The following RP1L1 variants were observed in gnomAD, a reference collection of about 807,000 sequenced individuals.
RP1L1 encodes the protein RP1 like 1.
RP1L1 carries 27 observed loss-of-function variants against 15.7 expected under a neutral mutation model. The ratio of observed to expected loss-of-function variants is 1.72; its 90% CI spans 1.27 to 2.38. The LOEUF (loss-of-function observed/expected upper bound fraction) is 2.38. Ranked by LOEUF, RP1L1 falls within the 30% of genes most tolerant of loss-of-function variation. The pLI, the probability that RP1L1 is intolerant of heterozygous loss-of-function variation, is 0.00. For missense variants in RP1L1, 4,798 were observed against 3,075.9 expected (o/e 1.56, Z -13.24); for synonymous variants, 1,813 against 1,276.7 (o/e 1.42, Z -8.96).
intron 2 of RP1L1, among the ~76,000 whole-genome samples, chr8:10,618,580 T>C (rs1232969094): frequency 6.6e-6 from 1 of 151,972 alleles, no homozygotes; most frequent in African/African-American, 2.4e-5. Flanking sequence ...TAGTCCCAGC[T>C]GCTTGGGAGG....
chr8:10,653,368 C>A (rs1430723855), intron 1 of RP1L1, among the ~76,000 whole-genome samples: 1 of 151,992 alleles, frequency 6.6e-6, no homozygotes, highest in Non-Finnish European at 1.5e-5. Flanking sequence ...AACCCAGGAG[C>A]AGAGGAGCAG....
chr8:10,629,534 A>C (rs1289010551), intron 1 of RP1L1, among the ~76,000 whole-genome samples: 1 of 152,182 alleles, frequency 6.6e-6, no homozygotes, highest in East Asian at 1.9e-4. Flanking sequence ...TCAACTTAGC[A>C]AACAACTTTA....
At chr8:10,639,540 T>C (rs11250054) in intron 1 of RP1L1, among the ~76,000 whole-genome samples, 87,518 of 151,944 alleles carry the variant, frequency 0.58, 26,310 homozygotes, top group East Asian at 0.89. Context: ...ACCCGGCTAA[T>C]TTTTGAACTT....
intron 3 of RP1L1, among the ~76,000 whole-genome samples, chr8:10,614,716 G>A (rs552062252): frequency 4.3e-4 from 59 of 136,280 alleles, no homozygotes; most frequent in Non-Finnish European, 7.8e-4. Context: ...AAGGAAGGAA[G>A]GAAAAAAAAA....
chr8:10,622,083 A>G (rs1177257215), intron 2 of RP1L1, among the ~76,000 whole-genome samples: 1 of 152,034 alleles, frequency 6.6e-6, no homozygotes, highest in Non-Finnish European at 1.5e-5. Context: ...GCACTTTGGG[A>G]GGCCGAATCG....
intron 2 of RP1L1, among the ~76,000 whole-genome samples, chr8:10,620,488 C>T (rs916014312): frequency 2.0e-5 from 3 of 152,286 alleles, no homozygotes; most frequent in African/African-American, 4.8e-5. Context: ...TGCCTGTAAT[C>T]CCAACTACTT....
At position 10,617,399 on chromosome 8, in the gene RP1L1, C is replaced by CAAAAAAAA. The variant is rs369885056; in HGVS notation, c.610-820_610-813dup. Among the ~76,000 whole-genome samples the CAAAAAAAA allele has an allele frequency of 1.7e-3, 144 of 82,564 alleles. 2 individuals carry two copies. Among genetic ancestry groups the CAAAAAAAA allele is most frequent in the Middle Eastern group, 6.6e-3 (1 of 152 alleles). The allele number at this position is 82,564 out of a possible 152,430, so 54.2% of individuals were successfully genotyped here. A position where few individuals can be genotyped will look rare whatever the true frequency, so the allele number is the denominator to read the frequency against. ...AAAATTATAAGGGTATGCTCATTAA[C>CAAAAAAAA]AAAAAAAAAAAAAAAAAAAAAAGAA... On this transcript the variant is annotated intron_variant, in intron 2 of 3. Transcript: ENST00000382483.
chr8:10,611,996 A>G lies in RP1L1; in HGVS notation c.2102T>C (p.Val701Ala), dbSNP rs751732214. 1 of 1,613,786 alleles carries G rather than the reference A, an allele frequency of 6.2e-7. No individual in the cohort carries two copies. The highest frequency in any genetic ancestry group is 8.5e-7 in the Non-Finnish European group (1 of 1,179,974). The change falls in exon 4 of 4, where the codon GTG (valine) becomes GCG (alanine). Residue 701 changes from valine to alanine, a missense_variant. Physicochemically the swap from Val to Ala is moderately conservative, Grantham distance 64. Transcript: ENST00000382483. ...CGATGAGCTTCCAGAATATCGTGGCACTGAGCCATCCTGGCAGGCCCTTCG... is the reference window on the plus strand; with the variant it reads ...CGATGAGCTTCCAGAATATCGTGGCGCTGAGCCATCCTGGCAGGCCCTTCG... ...ERRRACQDGS[V>A]PRYSGSSSST...
intron 1 of RP1L1, among the ~76,000 whole-genome samples, chr8:10,653,891 G>A (rs573132632): frequency 6.6e-6 from 1 of 152,172 alleles, no homozygotes; most frequent in African/African-American, 2.4e-5. Context: ...CCTCCCCCAG[G>A]GAAGGAGTCC....
At chr8:10,644,210 C>T (rs1338286793) in intron 1 of RP1L1, among the ~76,000 whole-genome samples, 4 of 151,600 alleles carry the variant, frequency 2.6e-5, no homozygotes, top group Non-Finnish European at 4.4e-5. Context: ...GTACTGGGGC[C>T]GAGTGACCAG....
rs780526415 is a variant in RP1L1, at chr8:10,611,252, G to C, written c.2846C>G (p.Pro949Arg). ...GACCACAGCCTCTGGAGACGAGCGG[G>C]GCAGAGAGCTGGGTGACACACCACT... ...EASGVSPSSL[P>R]RSSPEAVVRE... Residue 949 changes from proline to arginine, a missense_variant, in exon 4 of 4, where the codon CCC becomes CGC. Pro to Arg is a moderately radical substitution (Grantham distance 103). Coordinates refer to ENST00000382483, the MANE Select transcript of RP1L1 (RefSeq NM_178857.6). The C allele has an allele frequency of 1.2e-6, 2 of 1,613,026 alleles. No homozygotes were observed. The highest frequency in any genetic ancestry group is 1.7e-6 in the Non-Finnish European group (2 of 1,180,014).
chr8:10,611,078 G>T lies in RP1L1; in HGVS notation c.3020C>A (p.Ala1007Asp). 6.2e-7 allele frequency: 1 copy of T among 1,612,874 alleles called. No individual in the cohort carries two copies. The highest frequency in any genetic ancestry group is 8.5e-7 in the Non-Finnish European group (1 of 1,180,016). The change falls in exon 4 of 4, where the codon GCT (alanine) becomes GAT (aspartate). Residue 1007 changes from alanine to aspartate, a missense_variant. Coordinates refer to ENST00000382483, the MANE Select transcript of RP1L1 (RefSeq NM_178857.6). ...DHSLEGLGEP[A>D]QAGQQSLEGD... is the part of the protein sequence containing the mutation. The stretch of plus-strand genomic sequence containing the variant: ...TTCCAGGGACTGCTGTCCCGCCTGA[G>T]CTGGCTCCCCCAGGCCTTCCAGAGA...
Position 10,637,087 on chromosome 8 carries a change from T to C in RP1L1, c.-19-13867A>G, listed in dbSNP as rs531305599. Among the ~76,000 whole-genome samples the C allele has an allele frequency of 5.9e-5, 9 of 152,254 alleles. No individual in the cohort carries two copies. In the East Asian group the frequency reaches 1.5e-3, roughly 26 times the overall value. ...TGAGGGAGAGAGACAGGCTGAGATTTAGAGAAAAAGAATGCAAGGTTCGCT... is the reference window on the plus strand; with the variant it reads ...TGAGGGAGAGAGACAGGCTGAGATTCAGAGAAAAAGAATGCAAGGTTCGCT... On this transcript the variant is annotated intron_variant, in intron 1 of 3. Transcript: ENST00000382483.
chr8:10,636,769 C>T (rs748332056), intron 1 of RP1L1, among the ~76,000 whole-genome samples: 40 of 152,222 alleles, frequency 2.6e-4, no homozygotes, highest in African/African-American at 8.9e-4. Flanking sequence ...TACTCCCAGC[C>T]GGGCCTGACC....
chr8:10,616,651 G>A, intron 2 of RP1L1, 64 bp from the exon 3 acceptor site: 2 of 1,526,480 alleles, frequency 1.3e-6, no homozygotes, highest in Admixed American at 1.9e-5. Context: ...CCTGAGGCCT[G>A]GGGGAGGAAG....
intron 3 of RP1L1, among the ~76,000 whole-genome samples, chr8:10,615,402 A>G (rs1797949402): frequency 6.6e-6 from 1 of 152,178 alleles, no homozygotes; most frequent in South Asian, 2.1e-4. Flanking sequence ...TGGATGGATA[A>G]TCTGTGGTCA....
At position 10,622,754 on chromosome 8, in the gene RP1L1, T is replaced by C. The variant is rs377360026; in HGVS notation, c.448A>G (p.Thr150Ala). 9.3e-6 allele frequency: 15 copies of C among 1,612,792 alleles called. No homozygotes were observed. Among genetic ancestry groups the C allele is most frequent in the Non-Finnish European group, 1.3e-5 (15 of 1,179,712 alleles). Residue 150 changes from threonine (T) to alanine (A), a missense_variant, in exon 2 of 4, where the codon ACC (threonine) becomes GCC (alanine). Transcript: ENST00000382483. The part of the protein sequence containing the change: ...GTSSSRKSLK[T>A]PRRILLIKNM... ...TTAATCAGCAGTATCCTCCGGGGGG[T>C]TTTAAGACTCTTCCGGGAGGAGGAG...
At chr8:10,623,344 G>T in intron 1 of RP1L1, 124 bp from the exon 2 acceptor site, 1 of 727,510 alleles carries the variant, frequency 1.4e-6, no homozygotes, top group Non-Finnish European at 2.2e-6. Flanking sequence ...ACTATGGAGA[G>T]GCAAGTGAAT....
At chr8:10,631,988 T>A (rs1296144638) in intron 1 of RP1L1, among the ~76,000 whole-genome samples, 1 of 152,184 alleles carries the variant, frequency 6.6e-6, no homozygotes, top group Non-Finnish European at 1.5e-5. Context: ...GCTCATTTCC[T>A]TGAGAATGTT....
Sources: allele counts gnomAD v4.1 joint callset (sites outside exome capture counted in the v4.1 genomes callset), GRCh38; gene constraint gnomAD v4.1.1; transcripts MANE v1.5; gene names NCBI Gene and HGNC (gene_info 2026-07-23, HGNC 2026-07-21).